RMDN2: variants seen among roughly 807,000 people sequenced by gnomAD.
The protein encoded by RMDN2 is regulator of microtubule dynamics protein 2.
A neutral mutation model predicts 52.8 loss-of-function variants in RMDN2; 61 were observed. The ratio of observed to expected loss-of-function variants is 1.16; its 90% CI spans 0.94 to 1.43. The LOEUF (loss-of-function observed/expected upper bound fraction) is 1.43. RMDN2 is among the 40% of genes most tolerant of loss of function. RMDN2 has a pLI of 0.00. For missense variants in RMDN2, 592 were observed against 475.3 expected, an observed-to-expected ratio of 1.25 and a Z score of -2.28; for synonymous variants, 180 against 153.1, an observed-to-expected ratio of 1.18 and a Z score of -1.30.
At chr2:38,067,007 C>A in exon 11 of RMDN2, 1 of 1,613,530 alleles carries the variant, frequency 6.2e-7, no homozygotes, top group Non-Finnish European at 8.5e-7. Flanking sequence ...AGATAAAGAG[C>A]CTTTGGTACC....
intron 4 of RMDN2, among the ~76,000 whole-genome samples, chr2:37,976,519 C>G (rs368503469): frequency 2.6e-5 from 4 of 152,278 alleles, no homozygotes; most frequent in South Asian, 2.1e-4. Context: ...TTACCAAACT[C>G]CTTGTAATTA....
intron 10 of RMDN2, among the ~76,000 whole-genome samples, chr2:38,007,401 A>C (rs375506243): frequency 1.3e-5 from 2 of 152,108 alleles, no homozygotes; most frequent in Admixed American, 6.6e-5. Flanking sequence ...TTGGTCTGTT[A>C]AGAGATTCAA....
intron 10 of RMDN2, among the ~76,000 whole-genome samples, chr2:38,056,448 A>G (rs796970773): frequency 3.0e-4 from 45 of 152,370 alleles, no homozygotes; most frequent in African/African-American, 9.4e-4. Context: ...ACACCTCTGC[A>G]TCAGGGCATG....
intron 10 of RMDN2, among the ~76,000 whole-genome samples, chr2:38,041,766 G>A (rs2125289485): frequency 6.6e-6 from 1 of 152,218 alleles, no homozygotes; most frequent in East Asian, 1.9e-4. Context: ...ATTTTCAAAT[G>A]TAGATTAAGC....
intron 2 of RMDN2, 131 bp from the exon 3 acceptor site, chr2:37,973,909 T>G (rs1373811386): frequency 1.8e-5 from 12 of 679,084 alleles, no homozygotes; most frequent in African/African-American, 3.7e-5. Context: ...GAGCTTTTTC[T>G]GAGTGAAAGC....
At chr2:37,961,686 T>G (rs745553131) in intron 2 of RMDN2, among the ~76,000 whole-genome samples, 2 of 152,092 alleles carry the variant, frequency 1.3e-5, no homozygotes, top group Non-Finnish European at 2.9e-5. Context: ...TGAAGCCTAC[T>G]TCTGTCAACT....
chr2:38,035,219 A>G (rs540186509), intron 10 of RMDN2, among the ~76,000 whole-genome samples: 15 of 152,286 alleles, frequency 9.8e-5, no homozygotes, highest in Non-Finnish European at 2.2e-4. Flanking sequence ...TGCCTCATTT[A>G]CCCTGAGTAA....
chr2:37,967,477 T>C (rs1671217068), intron 2 of RMDN2, among the ~76,000 whole-genome samples: 1 of 152,184 alleles, frequency 6.6e-6, no homozygotes, highest in South Asian at 2.1e-4. Flanking sequence ...AGTGGTCCAA[T>C]CAAAGCAAAA....
intron 7 of RMDN2, among the ~76,000 whole-genome samples, chr2:37,997,155 CA>C (rs1211240906): frequency 6.6e-6 from 1 of 152,118 alleles, no homozygotes; most frequent in Non-Finnish European, 1.5e-5. Context: ...CAGAGTATTT[CA>C]GGTTGGTTTT....
chr2:37,963,911 C>T (rs1033151645), intron 2 of RMDN2, among the ~76,000 whole-genome samples: 3 of 151,258 alleles, frequency 2.0e-5, no homozygotes, highest in East Asian at 2.0e-4. Flanking sequence ...GGCGCCCCCC[C>T]ACCTCCCGGA....
At chr2:38,046,437 C>T (rs1442428898) in intron 10 of RMDN2, among the ~76,000 whole-genome samples, 2 of 151,726 alleles carry the variant, frequency 1.3e-5, no homozygotes, top group Non-Finnish European at 2.9e-5. Flanking sequence ...GAAAAAAAAG[C>T]AGAAAAATAT....
At chr2:37,926,890 T>C (rs1666324881) in intron 1 of RMDN2, among the ~76,000 whole-genome samples, 2 of 152,170 alleles carry the variant, frequency 1.3e-5, no homozygotes, top group African/African-American at 2.4e-5. Flanking sequence ...GAGCAGTGAT[T>C]GTACCACTGC....
At chr2:37,955,251 A>G (rs887310224) in intron 2 of RMDN2, among the ~76,000 whole-genome samples, 11 of 152,116 alleles carry the variant, frequency 7.2e-5, no homozygotes, top group Non-Finnish European at 1.5e-4. Context: ...AGTGATAAAG[A>G]GCACCCTTGT....
chr2:38,041,739 A>G (rs747547340), intron 10 of RMDN2, among the ~76,000 whole-genome samples: 17 of 152,060 alleles, frequency 1.1e-4, no homozygotes, highest in Non-Finnish European at 1.9e-4. Flanking sequence ...TATTAATGTG[A>G]TAGATCATAT....
chr2:38,043,328 T>C (rs998955126), intron 10 of RMDN2, among the ~76,000 whole-genome samples: 1 of 152,198 alleles, frequency 6.6e-6, no homozygotes, highest in Non-Finnish European at 1.5e-5. Flanking sequence ...CTTTTTTAAA[T>C]TAGTGTTAGC....
chr2:38,052,870 G>A (rs553116753), intron 10 of RMDN2, among the ~76,000 whole-genome samples: 34 of 152,154 alleles, frequency 2.2e-4, no homozygotes, highest in Non-Finnish European at 4.8e-4. Context: ...GCACTCACTA[G>A]CTAATGGATT....
intron 2 of RMDN2, among the ~76,000 whole-genome samples, chr2:37,969,195 C>G (rs974469024): frequency 6.6e-6 from 1 of 152,018 alleles, no homozygotes; most frequent in African/African-American, 2.4e-5. Context: ...ATTGTCTTGG[C>G]TCTTCTTGCA....
At chr2:38,022,480 C>T (rs75548231), downstream of RMDN2, among the ~76,000 whole-genome samples, 1 of 152,204 alleles carries the variant, frequency 6.6e-6, no homozygotes, top group Non-Finnish European at 1.5e-5. Flanking sequence ...CACTCACAGA[C>T]GAAGTACCCA....
At chr2:37,972,214 A>G (rs992264540) in intron 2 of RMDN2, among the ~76,000 whole-genome samples, 1 of 152,176 alleles carries the variant, frequency 6.6e-6, no homozygotes, top group African/African-American at 2.4e-5. Context: ...CCAATTTGCT[A>G]TACTCTCCTA....
Sources: allele counts gnomAD v4.1 joint callset (sites outside exome capture counted in the v4.1 genomes callset), GRCh38; gene constraint gnomAD v4.1.1; transcripts MANE v1.5; gene names NCBI Gene and HGNC (gene_info 2026-07-23, HGNC 2026-07-21).